The following DPYD variants were observed in gnomAD, a reference collection of about 807,000 sequenced individuals.
DPYD encodes the protein dihydropyrimidine dehydrogenase [NADP(+)].
In DPYD, 109 loss-of-function variants were observed where a neutral mutation model predicts 116.2. The ratio of observed to expected loss-of-function variants is 0.94; its 90% CI spans 0.80 to 1.10. DPYD has a LOEUF of 1.10. Ranked by LOEUF, DPYD falls within the 50% of genes least tolerant of loss-of-function variation. DPYD has a pLI of 0.00. For synonymous variants in DPYD, 440 were observed against 432.0 expected (o/e 1.02, Z -0.23); for missense variants, 1,302 against 1,254.5 (o/e 1.04, Z -0.57).
intron 3 of DPYD, among the ~76,000 whole-genome samples, chr1:97,740,893 T>C (rs1333985607): frequency 6.6e-6 from 1 of 152,164 alleles, no homozygotes; most frequent in African/African-American, 2.4e-5. Flanking sequence ...AAAGTCTTAT[T>C]TTACCACTTG....
At chr1:97,719,842 C>A (rs1455053739) in intron 5 of DPYD, 8 of 984,314 alleles carry the variant, frequency 8.1e-6, no homozygotes, top group Non-Finnish European at 9.6e-6. Context: ...ATGAAATAAG[C>A]AGATACATTC....
intron 7 of DPYD, 41 bp from the exon 8 acceptor site, chr1:97,679,223 G>T: frequency 1.8e-6 from 2 of 1,110,134 alleles, no homozygotes; most frequent in Non-Finnish European, 2.6e-6. Flanking sequence ...TTTGGCATAT[G>T]ATTAATTAAA....
At chr1:97,516,686 TA>T (rs1469875382) in intron 12 of DPYD, among the ~76,000 whole-genome samples, 1 of 152,028 alleles carries the variant, frequency 6.6e-6, no homozygotes, top group Admixed American at 6.6e-5. Flanking sequence ...AATGATTTAA[TA>T]AAAACACTTA....
rs141597515 is a variant in DPYD, at chr1:97,828,139, G to A, written c.208C>T (p.Arg70Ter). ...CTCATTGCTTCTCGGAGAGCTCCTC[G>A]CTCACCAAGAGTCGTGTGCTTGATG... is the stretch of plus-strand genomic sequence containing the variant. ...DDIKHTTLGERGALREAMRCL... is the reference protein window; with the variant it reads ...DDIKHTTLGE The change falls in exon 3 of 23, where the codon CGA becomes TGA. Residue 70 changes from arginine to a stop codon, truncating the protein, a stop_gained. Transcript: ENST00000370192. LOFTEE classifies it high-confidence loss of function. 9.3e-6 allele frequency: 15 copies of A among 1,613,460 alleles called. No individual in the cohort carries two copies. Among genetic ancestry groups the A allele is most frequent in the Admixed American group, 5.0e-5 (3 of 59,964 alleles).
At position 97,390,583 on chromosome 1, in the gene DPYD, T is replaced by A. The variant is rs140846680; in HGVS notation, c.1906-8122A>T. On this transcript the variant is annotated intron_variant, in intron 14 of 22. Coordinates refer to ENST00000370192, the MANE Select transcript of DPYD (RefSeq NM_000110.4). The stretch of plus-strand genomic sequence containing the variant: ...TTTTCTAATTTTATTTGTTCATTGC[T>A]TACTTAATGGTCATAAATGAGACTA... Among the ~76,000 whole-genome samples, 4 of 152,100 alleles carry A rather than the reference T, an allele frequency of 2.6e-5. No individual in the cohort carries two copies. The East Asian group carries it at 7.8e-4, about 29-fold the overall frequency.
At chr1:97,217,477 G>T (rs935137199) in intron 19 of DPYD, among the ~76,000 whole-genome samples, 17 of 152,060 alleles carry the variant, frequency 1.1e-4, no homozygotes, top group African/African-American at 4.1e-4. Context: ...ACATAGTTGT[G>T]ATTTCTAAGT....
chr1:97,563,678 C>T (rs973527893), intron 11 of DPYD, among the ~76,000 whole-genome samples: 4 of 152,136 alleles, frequency 2.6e-5, no homozygotes, highest in Non-Finnish European at 2.9e-5. Flanking sequence ...TATTCCTATG[C>T]AGTTATTAGA....
intron 12 of DPYD, among the ~76,000 whole-genome samples, chr1:97,528,983 T>C (rs1329675404): frequency 1.3e-5 from 2 of 152,204 alleles, no homozygotes; most frequent in Admixed American, 6.5e-5. Flanking sequence ...GATATGGTCC[T>C]GTCTGCCTAT....
chr1:97,766,608 C>T (rs1665870055), intron 3 of DPYD, among the ~76,000 whole-genome samples: 2 of 152,054 alleles, frequency 1.3e-5, no homozygotes, highest in South Asian at 4.1e-4. Context: ...AAGTGGTGCC[C>T]AACAGGGGAA....
chr1:97,477,604 C>CTTTTTTTTTTT (rs56199931), intron 13 of DPYD, among the ~76,000 whole-genome samples: 6 of 113,652 alleles, frequency 5.3e-5, no homozygotes, highest in African/African-American at 1.7e-4. Flanking sequence ...GACTGTTCTT[C>CTTTTTTTTTTT]TTTTTTTTTT....
In DPYD at chr1:97,098,784, C is replaced by T. The variant is rs143160057; in HGVS notation, c.2623-152G>A. The T allele has an allele frequency of 5.4e-3, 4,659 of 865,186 alleles. 34 individuals carry two copies. Among genetic ancestry groups the T allele is most frequent in the Non-Finnish European group, 6.8e-3 (3,811 of 560,816 alleles). The allele number at this position is 865,186 out of a possible 1,614,324, so 53.6% of individuals were successfully genotyped here. ...CTAGGTCTTCACTCATTGTTTTGGA[C>T]CACTAGTCTTCTCGGTATCAGGTTC... On this transcript the variant is annotated intron_variant, in intron 20 of 22. Transcript: ENST00000370192.
At chr1:97,809,600 T>C (rs1393561095) in intron 3 of DPYD, among the ~76,000 whole-genome samples, 2 of 152,136 alleles carry the variant, frequency 1.3e-5, no homozygotes, top group South Asian at 4.1e-4. Flanking sequence ...ACCTAAAATT[T>C]GGGAGTAAGC....
At chr1:97,139,405 C>G (rs1654045520) in intron 20 of DPYD, among the ~76,000 whole-genome samples, 1 of 152,108 alleles carries the variant, frequency 6.6e-6, no homozygotes, top group Admixed American at 6.6e-5. Context: ...CAAGATGAAT[C>G]TTTTAAAGAA....
intron 3 of DPYD, among the ~76,000 whole-genome samples, chr1:97,790,871 C>T (rs1011882247): frequency 2.6e-5 from 4 of 152,162 alleles, no homozygotes; most frequent in South Asian, 2.1e-4. Flanking sequence ...ACAATTTTCA[C>T]GTCCTTATTT....
At chr1:97,683,595 A>G (rs2100928417) in intron 7 of DPYD, among the ~76,000 whole-genome samples, 1 of 152,140 alleles carries the variant, frequency 6.6e-6, no homozygotes, top group African/African-American at 2.4e-5. Flanking sequence ...TATAAAGACC[A>G]TGAAACAAAA....
At chr1:97,103,988 T>C (rs11165783) in intron 20 of DPYD, among the ~76,000 whole-genome samples, 43,821 of 151,950 alleles carry the variant, frequency 0.29, 6,930 homozygotes, top group East Asian at 0.62. Flanking sequence ...CCAATTAGGC[T>C]ATTTAGTTTC....
intron 19 of DPYD, among the ~76,000 whole-genome samples, chr1:97,212,939 C>A (rs1309636687): frequency 1.3e-5 from 2 of 152,126 alleles, no homozygotes; most frequent in Admixed American, 1.3e-4. Context: ...ATGCCATAGA[C>A]TGGGTAGCTT....
At chr1:97,703,034 G>A (rs1474146370) in intron 5 of DPYD, among the ~76,000 whole-genome samples, 9 of 151,912 alleles carry the variant, frequency 5.9e-5, no homozygotes, top group Non-Finnish European at 4.4e-5. Flanking sequence ...GCTCAACCCC[G>A]TGCACTGCAG....
intron 21 of DPYD, among the ~76,000 whole-genome samples, chr1:97,094,478 T>C (rs112444864): frequency 3.3e-5 from 5 of 152,224 alleles, no homozygotes; most frequent in African/African-American, 1.2e-4. Flanking sequence ...ATAAGAACAA[T>C]AGTCATTGCT....
Sources: gnomAD v4.1 joint callset for allele counts (sites outside exome capture counted in the v4.1 genomes callset) on GRCh38, gnomAD v4.1.1 for gene constraint, MANE v1.5 for transcripts, NCBI Gene and HGNC (gene_info 2026-07-23, HGNC 2026-07-21) for gene names.